SLCO1B1: variants seen among roughly 807,000 people sequenced by gnomAD.
SLCO1B1 encodes the protein OATP-2.
Under a neutral mutation model 70.1 loss-of-function variants are expected in SLCO1B1, and 81 were observed. That is an observed-to-expected ratio of 1.16 (90% CI 0.97 to 1.39). SLCO1B1 has a LOEUF of 1.39. SLCO1B1 is among the 40% of genes most tolerant of loss of function. The pLI is 0.00. For synonymous variants in SLCO1B1, 283 were observed against 271.5 expected (o/e 1.04, Z -0.42); for missense variants, 895 against 799.6 (o/e 1.12, Z -1.44).
chr12:21,173,707 A>G (rs1359037606), intron 3 of SLCO1B1, among the ~76,000 whole-genome samples: 2 of 150,178 alleles, frequency 1.3e-5, no homozygotes, highest in African/African-American at 2.5e-5. Flanking sequence ...GTGCTCAGTT[A>G]TCCTTAACTG....
At chr12:21,237,306 T>C (rs1941605971) in intron 14 of SLCO1B1, among the ~76,000 whole-genome samples, 1 of 152,182 alleles carries the variant, frequency 6.6e-6, no homozygotes, top group African/African-American at 2.4e-5. Flanking sequence ...TCTTCAATTG[T>C]TGTTTGTCTG....
chr12:21,153,156 A>G (rs1182867038), intron 2 of SLCO1B1, among the ~76,000 whole-genome samples: 1 of 152,194 alleles, frequency 6.6e-6, no homozygotes, highest in Non-Finnish European at 1.5e-5. Context: ...TTACAGATCC[A>G]GAAAGAGTTG....
intron 2 of SLCO1B1, among the ~76,000 whole-genome samples, chr12:21,151,447 C>T (rs910666193): frequency 1.3e-5 from 2 of 152,068 alleles, no homozygotes; most frequent in South Asian, 4.1e-4. Flanking sequence ...TACTTTCCTT[C>T]CATTTCTTGT....
Position 21,239,269 on chromosome 12 carries a change from T to A in SLCO1B1, c.*80T>A. On this transcript the variant is annotated 3_prime_UTR_variant, in exon 15 of 15. Coordinates refer to ENST00000256958, the MANE Select transcript of SLCO1B1 (RefSeq NM_006446.5). ...TCAGTAAGATGTTATTTTTGAGGAGTTCCTGGTCCTTTCACTAAGAATTTC... is the reference window on the plus strand; with the variant it reads ...TCAGTAAGATGTTATTTTTGAGGAGATCCTGGTCCTTTCACTAAGAATTTC... 1.0e-6 allele frequency: 1 copy of A among 977,458 alleles called. No homozygotes were observed. The highest frequency in any genetic ancestry group is 1.3e-5 in the South Asian group (1 of 76,094). The allele number at this position is 977,458 out of a possible 1,614,324, so 60.5% of individuals were successfully genotyped here.
intron 12 of SLCO1B1, among the ~76,000 whole-genome samples, chr12:21,217,859 T>C (rs1941378507): frequency 6.6e-6 from 1 of 152,142 alleles, no homozygotes; most frequent in Non-Finnish European, 1.5e-5. Flanking sequence ...GAATATTACA[T>C]GGTAAATGAA....
At chr12:21,174,736 C>T (rs754401503) in intron 4 of SLCO1B1, 27 bp downstream of exon 4, 11 of 1,545,334 alleles carry the variant, frequency 7.1e-6, no homozygotes, top group Non-Finnish European at 8.0e-6. Context: ...AAAAAAACCT[C>T]TGTGCCACTA....
intron 8 of SLCO1B1, among the ~76,000 whole-genome samples, chr12:21,197,550 G>A (rs1341943992): frequency 6.6e-6 from 1 of 151,974 alleles, no homozygotes; most frequent in Admixed American, 6.6e-5. Context: ...AGTAGTACCA[G>A]GAACTGTACT....
intron 7 of SLCO1B1, among the ~76,000 whole-genome samples, chr12:21,192,524 A>G (rs1941042348): frequency 6.6e-6 from 1 of 151,766 alleles, no homozygotes; most frequent in South Asian, 2.1e-4. Flanking sequence ...TCTCTTTCAA[A>G]AAGATCAACA....
chr12:21,198,965 T>C (rs947920238), intron 8 of SLCO1B1, among the ~76,000 whole-genome samples: 5 of 152,148 alleles, frequency 3.3e-5, no homozygotes, highest in Non-Finnish European at 5.9e-5. Flanking sequence ...AACTCACTTA[T>C]AATACTTACA....
intron 2 of SLCO1B1, among the ~76,000 whole-genome samples, chr12:21,142,075 A>AC (rs976066984): frequency 2.0e-5 from 3 of 151,214 alleles, no homozygotes; most frequent in African/African-American, 4.8e-5. Flanking sequence ...TCTTTTAAAA[A>AC]AAAAAACAAA....
intron 6 of SLCO1B1, 57 bp from the exon 7 acceptor site, chr12:21,178,865 G>T: frequency 4.3e-6 from 6 of 1,409,812 alleles, no homozygotes; most frequent in Non-Finnish European, 6.0e-6. Context: ...TAAAAACATG[G>T]TGAATAAGAA....
At chr12:21,140,609 A>G (rs1940295046) in intron 1 of SLCO1B1, among the ~76,000 whole-genome samples, 1 of 152,052 alleles carries the variant, frequency 6.6e-6, no homozygotes, top group African/African-American at 2.4e-5. Flanking sequence ...CTAAAAGCTG[A>G]TGAATATAGA....
chr12:21,131,987 C>T (rs1940142468), intron 1 of SLCO1B1, among the ~76,000 whole-genome samples: 1 of 152,058 alleles, frequency 6.6e-6, no homozygotes. Flanking sequence ...TCCCTCCCCT[C>T]TCCCCCACCC....
intron 14 of SLCO1B1, among the ~76,000 whole-genome samples, chr12:21,234,722 G>A (rs770568168): frequency 5.3e-5 from 8 of 151,990 alleles, no homozygotes; most frequent in Non-Finnish European, 1.2e-4. Context: ...ATATCCTAGA[G>A]GTTTTAAAAT....
In SLCO1B1 at chr12:21,224,771, T is replaced by C. The variant is rs1941465895; in HGVS notation, c.1797T>C (p.Cys599=). Residue 599 remains cysteine, a synonymous_variant, in exon 14 of 15, where the codon TGT becomes TGC. Coordinates refer to ENST00000256958, the MANE Select transcript of SLCO1B1 (RefSeq NM_006446.5). The stretch of plus-strand genomic sequence containing the variant: ...TTGGGGCTCTGATTGATACAACGTG[T>C]ATAAAGTGGTCCACCAACAACTGTG... ...IYFGALIDTT[C]IKWSTNNCGT... 1 of 1,612,304 alleles carries C rather than the reference T, an allele frequency of 6.2e-7. No individual in the cohort carries two copies. The highest frequency in any genetic ancestry group is 1.3e-5 in the African/African-American group (1 of 74,872).
chr12:21,197,753 A>C (rs4149062), intron 8 of SLCO1B1, among the ~76,000 whole-genome samples: 79,717 of 151,500 alleles, frequency 0.53, 21,522 homozygotes, highest in East Asian at 0.72. Flanking sequence ...AGTAATATTT[A>C]TTTTGGTAAT....
In SLCO1B1 at chr12:21,132,310, C is replaced by A. The variant is rs570765942; in HGVS notation, c.-62+1074C>A. The stretch of plus-strand genomic sequence containing the variant: ...GCTATAAACATACGTGTGCATGTGT[C>A]TTTATAGCAGCATGATTTATAATCC... On this transcript the variant is annotated intron_variant, in intron 1 of 14. Coordinates refer to ENST00000256958, the MANE Select transcript of SLCO1B1 (RefSeq NM_006446.5). 5.9e-5 allele frequency among the ~76,000 whole-genome samples: 9 copies of A among 152,240 alleles called. No individual in the cohort carries two copies. In the East Asian group the frequency reaches 1.7e-3, roughly 29 times the overall value.
chr12:21,177,088 G>C (rs4149046), intron 5 of SLCO1B1, among the ~76,000 whole-genome samples, 191 bp downstream of exon 5: 2 of 151,904 alleles, frequency 1.3e-5, no homozygotes, highest in Non-Finnish European at 2.9e-5. Context: ...TAAACTACGC[G>C]TTTTCACTTC....
chr12:21,218,181 T>C (rs1325459420), intron 12 of SLCO1B1, among the ~76,000 whole-genome samples: 1 of 152,056 alleles, frequency 6.6e-6, no homozygotes, highest in Non-Finnish European at 1.5e-5. Flanking sequence ...AGAGCTGGTG[T>C]GTTTGAGAAA....
Sources: gnomAD v4.1 joint callset for allele counts (sites outside exome capture counted in the v4.1 genomes callset) on GRCh38, gnomAD v4.1.1 for gene constraint, MANE v1.5 for transcripts, NCBI Gene and HGNC (gene_info 2026-07-23, HGNC 2026-07-21) for gene names.